The following CNTN5 variants were observed in gnomAD, a reference collection of about 807,000 sequenced individuals.
CNTN5 encodes contactin-5.
In CNTN5, 77 loss-of-function variants were observed where a neutral mutation model predicts 129.1. That is an observed-to-expected ratio of 0.60 (90% confidence interval 0.50 to 0.72). The LOEUF is 0.72. Among genes scored for constraint, CNTN5 ranks in the 30% least tolerant of loss-of-function variants. CNTN5 has a pLI of 0.00. For synonymous variants in CNTN5, 509 were observed against 465.6 expected, an observed-to-expected ratio of 1.09 and a Z score of -1.20; for missense variants, 1,478 against 1,328.8, an observed-to-expected ratio of 1.11 and a Z score of -1.75.
intron 2 of CNTN5, among the ~76,000 whole-genome samples, chr11:99,341,844 A>T (rs555512572): frequency 6.6e-6 from 1 of 152,278 alleles, no homozygotes; most frequent in African/African-American, 2.4e-5. Flanking sequence ...AGTTTCTTGA[A>T]TTTGCAATTC....
intron 6 of CNTN5, among the ~76,000 whole-genome samples, chr11:99,905,159 C>A (rs183467969): frequency 1.7e-3 from 255 of 152,192 alleles, no homozygotes; most frequent in African/African-American, 5.5e-3. Flanking sequence ...TCTCATTTGT[C>A]AATTTTGGCT....
rs141698915 is a variant in CNTN5, at chr11:99,070,697, C to T, written c.-210+49427C>T. ...TAAACCTTAAATATATTTTACAGAT[C>T]AAGGTATACCAATGGTTTTAAAATA... On this transcript the variant is annotated intron_variant, in intron 1 of 24. Transcript: ENST00000524871. 1.1e-4 allele frequency among the ~76,000 whole-genome samples: 16 copies of T among 150,356 alleles called. No individual in the cohort carries two copies. In the Admixed American group the frequency reaches 1.1e-3, roughly 10 times the overall value.
At chr11:99,301,138 A>T (rs1864614859) in intron 1 of CNTN5, among the ~76,000 whole-genome samples, 1 of 151,796 alleles carries the variant, frequency 6.6e-6, no homozygotes. Context: ...TAAAAGAGAA[A>T]CACTGGAAGT....
chr11:99,749,184 T>C (rs568183214), intron 3 of CNTN5, among the ~76,000 whole-genome samples: 2 of 152,268 alleles, frequency 1.3e-5, no homozygotes, highest in South Asian at 4.1e-4. Context: ...TTTCAAACTT[T>C]GCATTCCAAA....
At chr11:99,253,489 C>T (rs1026663631) in intron 1 of CNTN5, among the ~76,000 whole-genome samples, 2 of 151,890 alleles carry the variant, frequency 1.3e-5, no homozygotes, top group Admixed American at 1.3e-4. Context: ...GAGTGTTTGA[C>T]TCTTAAGAGT....
chr11:99,115,032 T>A (rs1427693590), intron 1 of CNTN5, among the ~76,000 whole-genome samples: 3 of 152,190 alleles, frequency 2.0e-5, no homozygotes, highest in Non-Finnish European at 4.4e-5. Flanking sequence ...GAGGTTACAC[T>A]GGAAAAGGGG....
At chr11:99,665,921 A>T (rs1952773932) in intron 3 of CNTN5, among the ~76,000 whole-genome samples, 1 of 151,774 alleles carries the variant, frequency 6.6e-6, no homozygotes, top group Non-Finnish European at 1.5e-5. Context: ...CTCACCTTAG[A>T]AGAAGAGCAC....
intron 3 of CNTN5, among the ~76,000 whole-genome samples, chr11:99,632,533 T>C (rs640790): frequency 0.6 from 91,716 of 151,972 alleles, 28,508 homozygotes; most frequent in Admixed American, 0.69. Flanking sequence ...GAAATCCTTT[T>C]CTTTCTTTAC....
chr11:100,172,175 C>T (rs996428602), intron 13 of CNTN5, among the ~76,000 whole-genome samples: 10 of 151,822 alleles, frequency 6.6e-5, no homozygotes, highest in Admixed American at 5.9e-4. Context: ...ACTATTAAAA[C>T]TAATAGTAGT....
intron 2 of CNTN5, among the ~76,000 whole-genome samples, chr11:99,415,898 G>A (rs368865366): frequency 1.4e-4 from 21 of 152,054 alleles, no homozygotes; most frequent in East Asian, 5.8e-4. Context: ...GATTTAATCC[G>A]AACTCAAAGA....
chr11:99,060,486 A>G (rs1032369747), intron 1 of CNTN5, among the ~76,000 whole-genome samples: 1 of 152,130 alleles, frequency 6.6e-6, no homozygotes, highest in South Asian at 2.1e-4. Flanking sequence ...ACATGGTCAT[A>G]TTCTCATTAA....
intron 4 of CNTN5, among the ~76,000 whole-genome samples, chr11:99,825,451 T>G (rs1946923790): frequency 6.6e-6 from 1 of 152,186 alleles, no homozygotes. Flanking sequence ...TTTTACCTTA[T>G]TCACAAAAAT....
chr11:99,109,271 T>C (rs1832421665), intron 1 of CNTN5, among the ~76,000 whole-genome samples: 1 of 152,032 alleles, frequency 6.6e-6, no homozygotes, highest in Non-Finnish European at 1.5e-5. Flanking sequence ...ATTTTTTCAA[T>C]CAATAATGTA....
intron 9 of CNTN5, among the ~76,000 whole-genome samples, chr11:100,027,589 T>C (rs1351761582): frequency 6.6e-6 from 1 of 152,244 alleles, no homozygotes; most frequent in African/African-American, 2.4e-5. Context: ...GCACTAGTCA[T>C]TACTGAATTG....
intron 3 of CNTN5, among the ~76,000 whole-genome samples, chr11:99,578,437 T>C (rs1278908927): frequency 1.4e-5 from 2 of 147,312 alleles, no homozygotes; most frequent in African/African-American, 5.0e-5. Flanking sequence ...TAGTTTACAG[T>C]CCCACCAACA....
intron 2 of CNTN5, among the ~76,000 whole-genome samples, chr11:99,360,177 G>A (rs1939005810): frequency 6.6e-6 from 1 of 152,194 alleles, no homozygotes; most frequent in Non-Finnish European, 1.5e-5. Flanking sequence ...GCAAGAGTTG[G>A]ACCCCTGAAG....
chr11:99,804,534 A>G (rs961251232), intron 3 of CNTN5, among the ~76,000 whole-genome samples: 6 of 144,508 alleles, frequency 4.2e-5, no homozygotes, highest in African/African-American at 1.3e-4. Context: ...TTTGAGATAG[A>G]AAAAAAAAAA....
chr11:99,503,167 C>A (rs1342466530), intron 2 of CNTN5, among the ~76,000 whole-genome samples: 3 of 152,036 alleles, frequency 2.0e-5, no homozygotes, highest in Non-Finnish European at 1.5e-5. Flanking sequence ...AACCTTTTCC[C>A]TATGTAACTC....
chr11:99,189,559 C>T (rs1436727208), intron 1 of CNTN5, among the ~76,000 whole-genome samples: 1 of 151,568 alleles, frequency 6.6e-6, no homozygotes, highest in African/African-American at 2.4e-5. Context: ...TATCTTTCTT[C>T]TTTTTAATAA....
Sources: allele counts gnomAD v4.1 joint callset (sites outside exome capture counted in the v4.1 genomes callset), GRCh38; gene constraint gnomAD v4.1.1; transcripts MANE v1.5; gene names NCBI Gene and HGNC (gene_info 2026-07-23, HGNC 2026-07-21).